Variants in N4BP2 observed in about 807,000 individuals in gnomAD.
N4BP2 encodes the protein NEDD4-binding protein 2.
Under a neutral mutation model 152.8 loss-of-function variants are expected in N4BP2, and 91 were observed. The observed-to-expected ratio is 0.60, with a 90% CI of 0.50 to 0.71. N4BP2 has a LOEUF of 0.71. N4BP2 is among the 30% of genes least tolerant of loss of function. N4BP2 has a pLI of 0.00. For synonymous variants in N4BP2, 646 were observed against 705.3 expected (o/e 0.92, Z 1.33); for missense variants, 1,923 against 2,059.1 (o/e 0.93, Z 1.28).
intron 1 of N4BP2, among the ~76,000 whole-genome samples, chr4:40,064,562 C>T (rs1299908202): frequency 2.6e-5 from 4 of 151,668 alleles, no homozygotes; most frequent in South Asian, 2.1e-4. Flanking sequence ...CGTGAGCCAC[C>T]GCGCCCGGCA....
chr4:40,166,847 C>T, the N4BP2 span: 2 of 152,004 alleles, frequency 1.3e-5, no homozygotes, highest in Non-Finnish European at 2.9e-5. Flanking sequence ...ATGGGATATC[C>T]GTCCCCTCAA....
At chr4:40,096,839 G>A (rs1049925910) in intron 2 of N4BP2, among the ~76,000 whole-genome samples, 2 of 152,204 alleles carry the variant, frequency 1.3e-5, no homozygotes, top group South Asian at 4.1e-4. Context: ...GTTGCACTGA[G>A]ATGGGAAAGA....
At chr4:40,087,722 T>G (rs1377763518) in intron 2 of N4BP2, among the ~76,000 whole-genome samples, 1 of 152,144 alleles carries the variant, frequency 6.6e-6, no homozygotes, top group Non-Finnish European at 1.5e-5. Context: ...GTGGAATAAT[T>G]CAATATAGCC....
At chr4:40,141,465 G>T (rs6833196) in intron 14 of N4BP2, among the ~76,000 whole-genome samples, 40,513 of 146,216 alleles carry the variant, frequency 0.28, 5,068 homozygotes, top group South Asian at 0.45. Context: ...CGGGGCAGAG[G>T]CGCTCCCCAC....
the N4BP2 span, among the ~76,000 whole-genome samples, chr4:40,181,079 G>A: frequency 5.9e-5 from 9 of 152,166 alleles, no homozygotes; most frequent in African/African-American, 1.9e-4. Context: ...GAACCTGGGA[G>A]GCAGAGGTTG....
At chr4:40,059,868 G>T (rs1355509219) in intron 1 of N4BP2, among the ~76,000 whole-genome samples, 2 of 152,198 alleles carry the variant, frequency 1.3e-5, no homozygotes, top group African/African-American at 4.8e-5. Context: ...TCTTACAGGG[G>T]AGGAGACAGA....
chr4:40,128,879 G>A (rs190368591), intron 12 of N4BP2, among the ~76,000 whole-genome samples: 13 of 152,042 alleles, frequency 8.6e-5, no homozygotes, highest in Admixed American at 3.3e-4. Flanking sequence ...CTAACACTTA[G>A]GCTTAAATGG....
chr4:40,108,266 A>G (rs959442432), intron 5 of N4BP2, among the ~76,000 whole-genome samples: 4 of 151,392 alleles, frequency 2.6e-5, no homozygotes, highest in African/African-American at 9.7e-5. Context: ...AATTTGAACC[A>G]CCAGAAATGG....
chr4:40,066,688 G>GT (rs945120180), intron 1 of N4BP2, among the ~76,000 whole-genome samples: 1 of 152,048 alleles, frequency 6.6e-6, no homozygotes, highest in Admixed American at 6.6e-5. Context: ...CCTTGTCTCA[G>GT]TTTTTTTCTT....
intron 1 of N4BP2, among the ~76,000 whole-genome samples, chr4:40,065,902 A>G (rs949021341): frequency 2.0e-5 from 3 of 151,784 alleles, no homozygotes; most frequent in African/African-American, 4.8e-5. Context: ...TATTTTGCAC[A>G]TAGTTTCTGG....
rs1342824517 is a variant in N4BP2, at chr4:40,120,004, G to A, written c.1893G>A (p.Glu631=). The change falls in exon 9 of 18, where the codon GAG becomes GAA. Residue 631 remains glutamate (E), a synonymous_variant. Transcript: ENST00000261435. ...TATCTTTATCTTTGAAGCATCTAGA[G>A]TTCACTGAAGAGAAGAATCTTGATG... is the stretch of plus-strand genomic sequence containing the variant. ...NILSLSLKHL[E]FTEEKNLDVT... 6.4e-7 allele frequency: 1 copy of A among 1,573,200 alleles called. No homozygotes were observed. The highest frequency in any genetic ancestry group is 1.7e-5 in the Admixed American group (1 of 57,214).
intron 12 of N4BP2, among the ~76,000 whole-genome samples, chr4:40,126,747 C>G (rs1718445804): frequency 6.6e-6 from 1 of 151,988 alleles, no homozygotes; most frequent in African/African-American, 2.4e-5. Context: ...CAGGGACTAC[C>G]ATGCCTGGGT....
Position 40,121,032 on chromosome 4 carries a change from C to T in N4BP2, c.2921C>T (p.Ser974Leu), listed in dbSNP as rs765712814. 2.5e-6 allele frequency: 4 copies of T among 1,613,908 alleles called. No individual in the cohort carries two copies. The South Asian group carries it at 3.3e-5, about 13-fold the overall frequency. The change falls in exon 9 of 18, where the codon TCG becomes TTG. Residue 974 changes from serine to leucine, a missense_variant. Coordinates refer to ENST00000261435, the MANE Select transcript of N4BP2 (RefSeq NM_018177.6). ...LSKKSHGQHT[S>L]LPLTFTNSAP... The stretch of plus-strand genomic sequence containing the variant: ...AAAAAGAGTCATGGGCAACACACAT[C>T]GTTGCCTCTTACTTTTACCAATAGT...
At chr4:40,166,497 C>T in the N4BP2 span, among the ~76,000 whole-genome samples, 1 of 152,000 alleles carries the variant, frequency 6.6e-6, no homozygotes, top group Non-Finnish European at 1.5e-5. Context: ...CAAGACCAGC[C>T]TGACCAACAT....
chr4:40,085,404 G>C (rs1371011996), intron 2 of N4BP2, among the ~76,000 whole-genome samples: 1 of 152,224 alleles, frequency 6.6e-6, no homozygotes, highest in Non-Finnish European at 1.5e-5. Context: ...TACAGTCAGA[G>C]AAGAGTTGCT....
chr4:40,128,875 C>G (rs1259287773), intron 12 of N4BP2, among the ~76,000 whole-genome samples: 1 of 152,060 alleles, frequency 6.6e-6, no homozygotes, highest in Non-Finnish European at 1.5e-5. Context: ...AACTCTAACA[C>G]TTAGGCTTAA....
chr4:40,075,236 T>G (rs1226820091), intron 2 of N4BP2, among the ~76,000 whole-genome samples: 1 of 152,102 alleles, frequency 6.6e-6, no homozygotes, highest in African/African-American at 2.4e-5. Flanking sequence ...TGACTCTAAA[T>G]TAAGCAAGAC....
chr4:40,184,887 C>T, the N4BP2 span, among the ~76,000 whole-genome samples: 8 of 151,880 alleles, frequency 5.3e-5, no homozygotes, highest in Non-Finnish European at 7.4e-5. Flanking sequence ...ACCTGGGAGG[C>T]GGAGGTTGCA....
chr4:40,098,751 T>C (rs1353204910), intron 3 of N4BP2, among the ~76,000 whole-genome samples: 2 of 152,192 alleles, frequency 1.3e-5, no homozygotes, highest in African/African-American at 4.8e-5. Context: ...AATTGTTGCA[T>C]ATAAACTAAT....
Sources: gnomAD v4.1 joint callset for allele counts (sites outside exome capture counted in the v4.1 genomes callset) on GRCh38, gnomAD v4.1.1 for gene constraint, MANE v1.5 for transcripts, NCBI Gene and HGNC (gene_info 2026-07-23, HGNC 2026-07-21) for gene names.